Variants in GRID2 observed in about 807,000 individuals in gnomAD.
The protein encoded by GRID2 is glutamate ionotropic receptor delta type subunit 2, also known as glutamate receptor ionotropic, delta-2.
GRID2 carries 33 observed loss-of-function variants against 114.8 expected under a neutral mutation model. The observed-to-expected ratio is 0.29, with a 90% CI of 0.22 to 0.38. GRID2 has a LOEUF of 0.38. Among genes scored for constraint, GRID2 ranks in the 10% least tolerant of loss-of-function variants. The probability of loss-of-function intolerance (pLI) is 1.00; values close to 1 mark genes in which losing one functional copy is unlikely to be tolerated. For synonymous variants in GRID2, 505 were observed against 449.9 expected (o/e 1.12, Z -1.55); for missense variants, 1,184 against 1,257.7 (o/e 0.94, Z 0.89).
intron 8 of GRID2, among the ~76,000 whole-genome samples, chr4:93,300,889 C>A (rs565622670): frequency 6.6e-6 from 1 of 152,316 alleles, no homozygotes; most frequent in South Asian, 2.1e-4. Context: ...CACCGGTGGT[C>A]AGAGAGAAAC....
At position 93,678,041 on chromosome 4, in the gene GRID2, C is replaced by G. The variant is rs576533896; in HGVS notation, c.2360+51606C>G. On this transcript the variant is annotated intron_variant, in intron 14 of 15. Coordinates refer to ENST00000282020, the MANE Select transcript of GRID2 (RefSeq NM_001510.4). ...GTTGAAAACTTGGAAAAAATTTAGA[C>G]GAATGGATAACTAGACTAACCAATA... 4.6e-5 allele frequency among the ~76,000 whole-genome samples: 7 copies of G among 152,076 alleles called. No individual in the cohort carries two copies. The East Asian group carries it at 1.4e-3, about 29-fold the overall frequency.
intron 2 of GRID2, among the ~76,000 whole-genome samples, chr4:92,858,003 C>T (rs977346214): frequency 2.6e-5 from 4 of 152,118 alleles, no homozygotes; most frequent in African/African-American, 9.7e-5. Context: ...TGGATGACAG[C>T]ACAACTGTTT....
intron 2 of GRID2, among the ~76,000 whole-genome samples, chr4:92,730,921 A>G (rs973102491): frequency 6.6e-6 from 1 of 151,982 alleles, no homozygotes; most frequent in African/African-American, 2.4e-5. Flanking sequence ...GAATACTAAT[A>G]TATTATACAA....
At chr4:92,365,985 T>C (rs974313198) in intron 1 of GRID2, among the ~76,000 whole-genome samples, 1 of 152,086 alleles carries the variant, frequency 6.6e-6, no homozygotes, top group Non-Finnish European at 1.5e-5. Context: ...AAAGATTAAA[T>C]ATGAAACACT....
intron 1 of GRID2, among the ~76,000 whole-genome samples, chr4:93,794,192 G>A (rs1578798606): frequency 6.6e-6 from 1 of 152,134 alleles, no homozygotes; most frequent in Non-Finnish European, 1.5e-5. Context: ...TAAATGATAG[G>A]TTCCTTTTAG....
At chr4:92,998,195 CATA>C (rs2149213354) in intron 2 of GRID2, among the ~76,000 whole-genome samples, 1 of 152,034 alleles carries the variant, frequency 6.6e-6, no homozygotes, top group South Asian at 2.1e-4. Context: ...CTTAATTTCT[CATA>C]ATCAATTATT....
Position 93,584,501 on chromosome 4 carries a change from G to T in GRID2, c.2194-41768G>T, listed in dbSNP as rs1194194344. 2.6e-5 allele frequency among the ~76,000 whole-genome samples: 4 copies of T among 151,902 alleles called. No homozygotes were observed. The East Asian group carries it at 7.7e-4, about 29-fold the overall frequency. ...GAAAATGTTGTTTTTTGACATGAGG[G>T]ATACTTCCTTTCTCTTATTGATTGA... On this transcript the variant is annotated intron_variant, in intron 13 of 15. Transcript: ENST00000282020.
At chr4:92,777,701 G>T (rs1027929331) in intron 2 of GRID2, among the ~76,000 whole-genome samples, 2 of 142,346 alleles carry the variant, frequency 1.4e-5, no homozygotes, top group African/African-American at 5.3e-5. Context: ...GTCCTTATAA[G>T]AAGAGGAAGA....
At position 92,486,547 on chromosome 4, in the gene GRID2, T is replaced by TCTCA. The variant is rs543022809; in HGVS notation, c.89-103583_89-103582insTCAC. ...ATAGCCTTATAAATCTCTCTCTCTT[T>TCTCA]CACACACACACACACACACACACAC... On this transcript the variant is annotated intron_variant, in intron 1 of 15. Coordinates refer to ENST00000282020, the MANE Select transcript of GRID2 (RefSeq NM_001510.4). 3.6e-5 allele frequency among the ~76,000 whole-genome samples: 5 copies of TCTCA among 137,170 alleles called. No individual in the cohort carries two copies. The East Asian group carries it at 6.4e-4, about 18-fold the overall frequency. 90.0% of individuals were successfully genotyped at this position (137,170 alleles called of 152,430 possible).
At chr4:92,713,476 CATATAT>C (rs10593127) in intron 2 of GRID2, among the ~76,000 whole-genome samples, 2,700 of 53,914 alleles carry the variant, frequency 0.05, 54 homozygotes, top group Middle Eastern at 0.11. Flanking sequence ...TATACATATA[CATATAT>C]ATATATATAT....
At chr4:92,630,294 C>T (rs1402143681) in intron 2 of GRID2, among the ~76,000 whole-genome samples, 4 of 152,094 alleles carry the variant, frequency 2.6e-5, no homozygotes, top group Non-Finnish European at 4.4e-5. Context: ...TCACAAACTC[C>T]GTGTGTATTC....
At chr4:93,441,357 T>G (rs1473853752) in intron 10 of GRID2, among the ~76,000 whole-genome samples, 1 of 152,076 alleles carries the variant, frequency 6.6e-6, no homozygotes, top group Non-Finnish European at 1.5e-5. Flanking sequence ...TTATTTAACA[T>G]GCCAGTTCTA....
intron 4 of GRID2, among the ~76,000 whole-genome samples, chr4:93,119,897 G>A (rs1361604540): frequency 6.6e-6 from 1 of 152,010 alleles, no homozygotes; most frequent in African/African-American, 2.4e-5. Context: ...TTTTTGATGG[G>A]GTTGTTTTTT....
At chr4:92,751,080 G>C (rs1011055373) in intron 2 of GRID2, among the ~76,000 whole-genome samples, 184 of 152,120 alleles carry the variant, frequency 1.2e-3, no homozygotes, top group Non-Finnish European at 1.5e-3. Flanking sequence ...CAAACATAGA[G>C]ACCATGGGTA....
intron 14 of GRID2, among the ~76,000 whole-genome samples, chr4:93,647,192 C>A (rs1457883019): frequency 6.6e-6 from 1 of 151,958 alleles, no homozygotes; most frequent in Non-Finnish European, 1.5e-5. Context: ...GGAAGAGAAT[C>A]GAAGCAGAAA....
At chr4:93,030,124 C>G (rs536855729) in intron 2 of GRID2, among the ~76,000 whole-genome samples, 1 of 152,100 alleles carries the variant, frequency 6.6e-6, no homozygotes, top group African/African-American at 2.4e-5. Context: ...TTTCTGACAC[C>G]CATTTTAAGC....
intron 2 of GRID2, among the ~76,000 whole-genome samples, chr4:93,002,510 C>T (rs538642508): frequency 1.1e-4 from 16 of 151,358 alleles, no homozygotes; most frequent in African/African-American, 3.1e-4. Context: ...TAAACCTTCT[C>T]GGTGTCATAC....
rs575855796 is a variant in GRID2, at chr4:92,650,259, T to C, written c.244+59973T>C. Among the ~76,000 whole-genome samples, 213 of 152,142 alleles carry C rather than the reference T, an allele frequency of 1.4e-3. 1 individual carries two copies. The highest frequency in any genetic ancestry group is 2.5e-3 in the Non-Finnish European group (172 of 67,982). On this transcript the variant is annotated intron_variant, in intron 2 of 15. Transcript: ENST00000282020. ...TTATAGCTGGTATTTATAACGACCT[T>C]CTTCTACTACCCATTTCATATTCCC...
chr4:92,961,585 C>T (rs981311487), intron 2 of GRID2, among the ~76,000 whole-genome samples: 3 of 151,022 alleles, frequency 2.0e-5, no homozygotes, highest in African/African-American at 7.3e-5. Context: ...TCTAGTTTCT[C>T]TCAGGATTTT....
Sources: allele counts gnomAD v4.1 joint callset (sites outside exome capture counted in the v4.1 genomes callset), GRCh38; gene constraint gnomAD v4.1.1; transcripts MANE v1.5; gene names NCBI Gene and HGNC (gene_info 2026-07-23, HGNC 2026-07-21).